The following UTP20 variants were observed in gnomAD, a reference collection of about 807,000 sequenced individuals.
UTP20 encodes the protein small subunit processome component 20 homolog.
Under a neutral mutation model 329.5 loss-of-function variants are expected in UTP20, and 164 were observed. The observed-to-expected ratio is 0.50, with a 90% confidence interval of 0.44 to 0.57. UTP20 has a LOEUF of 0.57. Ranked by LOEUF, UTP20 falls within the 20% of genes least tolerant of loss-of-function variation. UTP20 has a pLI of 0.00. For synonymous variants in UTP20, 1,151 were observed against 1,159.3 expected, an observed-to-expected ratio of 0.99 and a Z score of 0.14; for missense variants, 3,055 against 3,284.2, an observed-to-expected ratio of 0.93 and a Z score of 1.71.
Position 101,306,755 on chromosome 12 carries a change from A to G in UTP20, c.1989A>G (p.Ser663=), listed in dbSNP as rs1243649469. The G allele has an allele frequency of 6.2e-7, 1 of 1,604,892 alleles. No homozygotes were observed. The highest frequency in any genetic ancestry group is 8.5e-7 in the Non-Finnish European group (1 of 1,175,072). ...LNHFDVQLPE[S]MEDDGLSERQ... ...ATTTTGATGTCCAGCTTCCAGAATCAATGGAGGTATTTTAACTGTTTGAGT... is the reference window on the plus strand; with the variant it reads ...ATTTTGATGTCCAGCTTCCAGAATCGATGGAGGTATTTTAACTGTTTGAGT... Residue 663 remains serine (S), a synonymous_variant, in exon 17 of 62, where the codon TCA becomes TCG. Coordinates refer to ENST00000261637, the MANE Select transcript of UTP20 (RefSeq NM_014503.3).
chr12:101,302,529 T>TGG lies in UTP20; in HGVS notation c.1758_1759dup (p.Glu587GlyfsTer4). ...TCTGAACTTCTTCATTTGGTTCCTGTGGAACGTGTGAAGAATTTAGTATTG... is the reference window on the plus strand; with the variant it reads ...TCTGAACTTCTTCATTTGGTTCCTGTGGGGAACGTGTGAAGAATTTAGTATTG... On this transcript the variant is annotated frameshift_variant, in exon 15 of 62. Transcript: ENST00000261637. LOFTEE classifies it high-confidence loss of function. The TGG allele has an allele frequency of 6.2e-7, 1 of 1,609,508 alleles. No individual in the cohort carries two copies. Among genetic ancestry groups the TGG allele is most frequent in the Non-Finnish European group, 8.5e-7 (1 of 1,178,410 alleles).
At chr12:101,381,333 G>GAT in intron 58 of UTP20, 122 bp downstream of exon 58, 2 of 783,712 alleles carry the variant, frequency 2.6e-6, no homozygotes, top group Non-Finnish European at 4.3e-6. Flanking sequence ...AGGAGTTCGA[G>GAT]ATGAGCCTGG....
intron 29 of UTP20, 77 bp downstream of exon 29, chr12:101,334,581 A>G (rs1868873514): frequency 7.3e-6 from 9 of 1,237,302 alleles, no homozygotes; most frequent in Non-Finnish European, 1.0e-5. Flanking sequence ...CAGGAAACTA[A>G]TAGTGTAATT....
chr12:101,281,913 C>A (rs956083348), intron 2 of UTP20, among the ~76,000 whole-genome samples: 1 of 152,052 alleles, frequency 6.6e-6, no homozygotes, highest in African/African-American at 2.4e-5. Context: ...ACATGTTGGC[C>A]AGGATGGTCT....
chr12:101,303,984 T>G (rs1268774124), intron 15 of UTP20, among the ~76,000 whole-genome samples: 3 of 152,210 alleles, frequency 2.0e-5, no homozygotes, highest in Non-Finnish European at 4.4e-5. Context: ...ACTTTCACCC[T>G]TGGTATAAAC....
In UTP20 at chr12:101,319,545, G is replaced by C. The variant is rs1390832161; in HGVS notation, c.2739G>C (p.Lys913Asn). 2 of 1,596,478 alleles carry C rather than the reference G, an allele frequency of 1.3e-6. No individual in the cohort carries two copies. The highest frequency in any genetic ancestry group is 2.3e-5 in the South Asian group (2 of 87,308). ...QKKKTRRAAA[K>N]QLIAHLQVFS... ...CACTCTCTGTTTTGTTTTTGTTTAG[G>C]CAATTAATTGCTCATTTGCAAGTTT... The change falls in exon 23 of 62, where the codon AAG becomes AAC. Residue 913 changes from lysine (K) to asparagine (N), a missense_variant and splice_region_variant. Lys to Asn is a moderately conservative substitution (Grantham distance 94). This residue lies in a region of UTP20 where 2,445 missense variants were observed against 2,575.5 expected (regional missense o/e 0.95). Transcript: ENST00000261637.
Position 101,280,136 on chromosome 12 carries a change from GC to G in UTP20, c.-146del. 9.8e-7 allele frequency: 1 copy of G among 1,018,214 alleles called. No homozygotes were observed. Among genetic ancestry groups the G allele is most frequent in the Non-Finnish European group, 1.4e-6 (1 of 706,922 alleles). The allele number at this position is 1,018,214 out of a possible 1,614,324, so 63.1% of individuals were successfully genotyped here. A position where few individuals can be genotyped will look rare whatever the true frequency, so the allele number is the denominator to read the frequency against. On this transcript the variant is annotated 5_prime_UTR_variant, in exon 1 of 62. The change abolishes the stop of an existing upstream ORF in the 5' untranslated region. Transcript: ENST00000261637. ...GCTCCTCCTTGTCTCCAACATGGCG[GC>G]GCCCAGGGGCTCAAGCCGCACGTGA... is the stretch of plus-strand genomic sequence containing the variant.
chr12:101,373,419 G>A lies in UTP20; in HGVS notation c.6897G>A (p.Gly2299=), dbSNP rs764033071. 2 of 1,614,092 alleles carry A rather than the reference G, an allele frequency of 1.2e-6. No homozygotes were observed. Among genetic ancestry groups the A allele is most frequent in the Non-Finnish European group, 1.7e-6 (2 of 1,180,022 alleles). The change falls in exon 53 of 62, where the codon GGG becomes GGA. Residue 2299 remains glycine, a synonymous_variant. Coordinates refer to ENST00000261637, the MANE Select transcript of UTP20 (RefSeq NM_014503.3). ...LAQLNYEHET[G]RESTLEMIAY... is the part of the protein sequence containing the mutation. ...CCCCTAGTTACGAACATGAGACCGG[G>A]AGAGAGTCCACCTTGGAAATGATCG...
rs1872096277 is a variant in UTP20, at chr12:101,290,287, G to A, written c.735+13G>A. 6.3e-7 allele frequency: 1 copy of A among 1,578,950 alleles called. No homozygotes were observed. Among genetic ancestry groups the A allele is most frequent in the Non-Finnish European group, 8.6e-7 (1 of 1,166,304 alleles). ...CTGTACAGGCCAGGTACATAATGGG[G>A]AGGGGTGCTTAGAGTCTATGTGGAT... On this transcript the variant is annotated intron_variant, in intron 7 of 61. Coordinates refer to ENST00000261637, the MANE Select transcript of UTP20 (RefSeq NM_014503.3).
At chr12:101,344,003 TTGA>T (rs1416829220) in intron 35 of UTP20, among the ~76,000 whole-genome samples, 5 of 152,356 alleles carry the variant, frequency 3.3e-5, no homozygotes, top group African/African-American at 1.2e-4. Context: ...AATGAAACCT[TTGA>T]TTATTGTTAA....
intron 7 of UTP20, 41 bp from the exon 8 acceptor site, chr12:101,290,691 TA>T (rs766458727): frequency 2.6e-6 from 4 of 1,550,356 alleles, no homozygotes; most frequent in African/African-American, 2.8e-5. Flanking sequence ...TACTTGAAAA[TA>T]AGAGTTTATA....
At chr12:101,324,173 T>G (rs1868476040) in intron 25 of UTP20, among the ~76,000 whole-genome samples, 1 of 151,488 alleles carries the variant, frequency 6.6e-6, no homozygotes, top group Admixed American at 6.6e-5. Flanking sequence ...ATAATAATAA[T>G]TTTTTTAAAA....
At chr12:101,380,943 G>A (rs1289842845) in intron 57 of UTP20, among the ~76,000 whole-genome samples, 197 bp from the exon 58 acceptor site, 1 of 151,822 alleles carries the variant, frequency 6.6e-6, no homozygotes, top group Non-Finnish European at 1.5e-5. Flanking sequence ...ATTTATTTGG[G>A]ATGAAATGCT....
intron 2 of UTP20, among the ~76,000 whole-genome samples, chr12:101,283,807 C>T (rs866265836): frequency 6.6e-6 from 1 of 152,146 alleles, no homozygotes; most frequent in Non-Finnish European, 1.5e-5. Flanking sequence ...GCCTCAGCCT[C>T]CCACTGTTGG....
chr12:101,385,361 G>A (rs1870789745), intron 60 of UTP20, among the ~76,000 whole-genome samples: 1 of 152,116 alleles, frequency 6.6e-6, no homozygotes, highest in African/African-American at 2.4e-5. Flanking sequence ...TAGCATTGCT[G>A]GTTTCCCCAT....
Position 101,286,350 on chromosome 12 carries a change from A to G in UTP20, c.356A>G (p.Gln119Arg). The G allele has an allele frequency of 6.2e-7, 1 of 1,612,436 alleles. No homozygotes were observed. Among genetic ancestry groups the G allele is most frequent in the Non-Finnish European group, 8.5e-7 (1 of 1,179,168 alleles). The part of the protein sequence containing the change: ...DLVVQLARDL[Q>R]MDFYPHFPEF... ...GTTGTACAGTTGGCACGAGATCTGCAGATGGATTTCTACCCACACTTTCCA... is the reference window on the plus strand; with the variant it reads ...GTTGTACAGTTGGCACGAGATCTGCGGATGGATTTCTACCCACACTTTCCA... The change falls in exon 5 of 62, where the codon CAG becomes CGG. Residue 119 changes from glutamine to arginine, a missense_variant. Gln to Arg is a conservative substitution (Grantham distance 43). Transcript: ENST00000261637.
At chr12:101,373,805 T>G (rs1193357064) in intron 54 of UTP20, 38 bp downstream of exon 54, 1 of 1,590,438 alleles carries the variant, frequency 6.3e-7, no homozygotes. Flanking sequence ...GTGACAAGTC[T>G]TAGCTTTGGG....
intron 5 of UTP20, 82 bp from the exon 6 acceptor site, chr12:101,288,878 G>A: frequency 5.6e-6 from 7 of 1,242,644 alleles, no homozygotes; most frequent in South Asian, 3.9e-5. Context: ...CCAGCACATT[G>A]TTGCCCATAT....
intron 15 of UTP20, among the ~76,000 whole-genome samples, chr12:101,304,975 G>A (rs1872613112): frequency 6.6e-6 from 1 of 152,226 alleles, no homozygotes; most frequent in Non-Finnish European, 1.5e-5. Flanking sequence ...TGCCTAGAAT[G>A]CTTTTCTTTC....
Sources: allele counts gnomAD v4.1 joint callset (sites outside exome capture counted in the v4.1 genomes callset), GRCh38; gene constraint gnomAD v4.1.1; regional missense constraint gnomAD v4.1.1; transcripts MANE v1.5; gene names NCBI Gene and HGNC (gene_info 2026-07-23, HGNC 2026-07-21).